PHLPP1: variants seen among roughly 807,000 people sequenced by gnomAD.
PHLPP1 encodes the protein PH domain leucine-rich repeat-containing protein phosphatase 1.
PHLPP1 carries 42 observed loss-of-function variants against 117.2 expected under a neutral mutation model. The ratio of observed to expected loss-of-function variants is 0.36; its 90% confidence interval spans 0.28 to 0.46. PHLPP1 has a LOEUF of 0.46. Ranked by LOEUF, PHLPP1 falls within the 20% of genes least tolerant of loss-of-function variation. The pLI is 1.00. For missense variants in PHLPP1, 2,084 were observed against 2,241.9 expected, an observed-to-expected ratio of 0.93 and a Z score of 1.42; for synonymous variants, 1,042 against 970.7, an observed-to-expected ratio of 1.07 and a Z score of -1.37.
chr18:62,930,658 T>C (rs1909781106), intron 10 of PHLPP1, among the ~76,000 whole-genome samples: 1 of 152,226 alleles, frequency 6.6e-6, no homozygotes, highest in African/African-American at 2.4e-5. Context: ...AGAATACTAA[T>C]TCTGGACTTA....
chr18:62,860,499 A>G lies in PHLPP1; in HGVS notation c.1964A>G (p.Asn655Ser), dbSNP rs569299328. 2.1e-5 allele frequency: 34 copies of G among 1,613,838 alleles called. No individual in the cohort carries two copies. The South Asian group carries it at 2.3e-4, about 11-fold the overall frequency. Reference sequence around the variant, plus strand: ...TGTAGCCTGGAACATCTGCCTGCCAACCTCTTCTACAGCCAAGACCTCACT... The same window carrying G: ...TGTAGCCTGGAACATCTGCCTGCCAGCCTCTTCTACAGCCAAGACCTCACT... ...SCCSLEHLPA[N>S]LFYSQDLTHL... Residue 655 changes from asparagine to serine, a missense_variant, in exon 4 of 17, where the codon AAC (asparagine) becomes AGC (serine). This residue lies in a region of PHLPP1 where 1,365 missense variants were observed against 1,605.9 expected (regional missense o/e 0.85). Transcript: ENST00000262719.
rs1219884181 is a variant in PHLPP1 at position 62,716,795 on chromosome 18, G to C, written c.1112G>C (p.Gly371Ala). 2.6e-6 allele frequency: 4 copies of C among 1,525,972 alleles called. 1 individual carries two copies. The South Asian group carries it at 3.6e-5, about 14-fold the overall frequency. 94.5% of individuals were successfully genotyped at this position (1,525,972 alleles called of 1,614,324 possible). A position where few individuals can be genotyped will look rare whatever the true frequency, so the allele number is the denominator to read the frequency against. ...TTGGACCCCTACAGCAGCGGCGGCGGCTCCTCGTCGTCGTCGGAAGAGCTC... is the reference window on the plus strand; with the variant it reads ...TTGGACCCCTACAGCAGCGGCGGCGCCTCCTCGTCGTCGTCGGAAGAGCTC... The part of the protein sequence containing the change: ...DRLDPYSSGG[G>A]SSSSSEELEA... The change falls in exon 1 of 17, where the codon GGC becomes GCC. Residue 371 changes from glycine (G) to alanine (A), a missense_variant. This residue lies in a region of PHLPP1 where 719 missense variants were observed against 636.0 expected (regional missense o/e 1.13). Transcript: ENST00000262719. This position sits in a 1 kb window ranked among gnomAD's most constrained non-coding sequence, Gnocchi z 5.7.
intron 2 of PHLPP1, among the ~76,000 whole-genome samples, chr18:62,833,612 T>G (rs920046253): frequency 1.3e-5 from 2 of 152,212 alleles, no homozygotes; most frequent in Non-Finnish European, 2.9e-5. Flanking sequence ...ATCTATATTT[T>G]GCTTGTTTTT....
intron 1 of PHLPP1, among the ~76,000 whole-genome samples, chr18:62,817,625 A>G (rs1464306812): frequency 6.6e-6 from 1 of 152,134 alleles, no homozygotes; most frequent in Admixed American, 6.6e-5. Context: ...TTGTAATTGG[A>G]GTCCCTGGAG....
At chr18:62,965,583 C>T (rs1910878790) in intron 14 of PHLPP1, among the ~76,000 whole-genome samples, 1 of 151,300 alleles carries the variant, frequency 6.6e-6, no homozygotes, top group Non-Finnish European at 1.5e-5. Flanking sequence ...CCTCAGCCTC[C>T]CAAGTAGCTG....
At chr18:62,843,193 A>G (rs1915096302) in intron 3 of PHLPP1, 2 of 152,198 alleles carry the variant, frequency 1.3e-5, no homozygotes, top group African/African-American at 2.4e-5. Context: ...TTACATCTTG[A>G]TGTTTAGATA....
At chr18:62,727,359 C>G (rs1420741874) in intron 1 of PHLPP1, among the ~76,000 whole-genome samples, 1 of 151,340 alleles carries the variant, frequency 6.6e-6, no homozygotes, top group African/African-American at 2.4e-5. Context: ...CTGTATTTCC[C>G]ACACTTTGGG....
chr18:62,775,642 C>T (rs965922425), intron 1 of PHLPP1, among the ~76,000 whole-genome samples: 1 of 152,182 alleles, frequency 6.6e-6, no homozygotes, highest in Non-Finnish European at 1.5e-5. Context: ...TATTTTTTAT[C>T]TCGACTAATG....
intron 4 of PHLPP1, among the ~76,000 whole-genome samples, chr18:62,864,001 A>T (rs1410301702): frequency 9.5e-6 from 1 of 104,934 alleles, no homozygotes; most frequent in Non-Finnish European, 2.3e-5. Context: ...ATTTTTAAAA[A>T]TTTATTTGTT....
At chr18:62,926,461 AGAGAC>A (rs1909630360) in intron 10 of PHLPP1, among the ~76,000 whole-genome samples, 1 of 152,178 alleles carries the variant, frequency 6.6e-6, no homozygotes, top group Non-Finnish European at 1.5e-5. Flanking sequence ...CTGTACTCTG[AGAGAC>A]TGCTTTGGTC....
At chr18:62,741,629 C>G (rs1426375380) in intron 1 of PHLPP1, among the ~76,000 whole-genome samples, 1 of 151,826 alleles carries the variant, frequency 6.6e-6, no homozygotes, top group Non-Finnish European at 1.5e-5. Context: ...CTTGTGACTT[C>G]AAAGTAGGGA....
chr18:62,837,255 G>A (rs1242402851), intron 2 of PHLPP1, among the ~76,000 whole-genome samples: 1 of 152,182 alleles, frequency 6.6e-6, no homozygotes, highest in Non-Finnish European at 1.5e-5. Context: ...GTCTCCCGAA[G>A]TGCTGGGATT....
chr18:62,870,957 G>A (rs1449705472), intron 4 of PHLPP1, among the ~76,000 whole-genome samples: 5 of 152,124 alleles, frequency 3.3e-5, no homozygotes, highest in African/African-American at 9.7e-5. Context: ...TTTTGGTGGT[G>A]TTGATGGTTT....
chr18:62,838,591 C>T lies in PHLPP1; in HGVS notation c.1774-193C>T, dbSNP rs116348889. The T allele has an allele frequency of 2.2e-3, 1,099 of 508,138 alleles. 15 individuals carry two copies. Among genetic ancestry groups the T allele is most frequent in the African/African-American group, 0.019 (997 of 52,244 alleles). 31.5% of individuals were successfully genotyped at this position (508,138 alleles called of 1,614,324 possible). ...GTGGGGAAATATAGTAAAGATAAAACTCCCCCTTTTTTGGTTTCTTTGTAA... is the reference window on the plus strand; with the variant it reads ...GTGGGGAAATATAGTAAAGATAAAATTCCCCCTTTTTTGGTTTCTTTGTAA... On this transcript the variant is annotated intron_variant, in intron 2 of 16. Coordinates refer to ENST00000262719, the MANE Select transcript of PHLPP1 (RefSeq NM_194449.4).
At chr18:62,864,406 T>C (rs117367800) in intron 4 of PHLPP1, among the ~76,000 whole-genome samples, 3,577 of 152,146 alleles carry the variant, frequency 0.024, 55 homozygotes, top group Middle Eastern at 0.058. Flanking sequence ...TCAGGCTGAA[T>C]AGGGACAATG....
At chr18:62,780,823 A>G (rs1015539454) in intron 1 of PHLPP1, among the ~76,000 whole-genome samples, 1 of 152,214 alleles carries the variant, frequency 6.6e-6, no homozygotes, top group African/African-American at 2.4e-5. Flanking sequence ...ATACTGATGC[A>G]TCTCAACAAT....
chr18:62,872,144 A>G (rs530902050), intron 4 of PHLPP1, among the ~76,000 whole-genome samples: 1 of 152,246 alleles, frequency 6.6e-6, no homozygotes, highest in Non-Finnish European at 1.5e-5. Context: ...GTGCATAGGA[A>G]CCCCCATGGG....
rs768339210 is a variant in PHLPP1, at chr18:62,905,244, T to C, written c.2668T>C (p.Tyr890His). 1 of 1,552,532 alleles carries C rather than the reference T, an allele frequency of 6.4e-7. No individual in the cohort carries two copies. The highest frequency in any genetic ancestry group is 8.7e-7 in the Non-Finnish European group (1 of 1,150,592). ...CCTAGAACTTGTTCAACTTGATGTT[T>C]ACCCAGTTCCAAATTATCTGTCCTA... Reference protein sequence around the residue: ...SSNELVQLDVYPVPNYLSYMD... With the variant: ...SSNELVQLDVHPVPNYLSYMD... The change falls in exon 8 of 17, where the codon TAC becomes CAC. Residue 890 changes from tyrosine (Y) to histidine (H), a missense_variant. By Grantham distance (83) the Tyr-to-His change is moderately conservative. Transcript: ENST00000262719.
chr18:62,803,542 A>G (rs1173018840), intron 1 of PHLPP1, among the ~76,000 whole-genome samples: 1 of 152,204 alleles, frequency 6.6e-6, no homozygotes. Flanking sequence ...GGTCATTGCT[A>G]TGTAGTTTTA....
Sources: gnomAD v4.1 joint callset for allele counts (sites outside exome capture counted in the v4.1 genomes callset) on GRCh38, gnomAD v4.1.1 for gene constraint, gnomAD v4.1.1 regional missense constraint, Gnocchi (gnomAD v3.1) non-coding constraint, MANE v1.5 for transcripts, NCBI Gene and HGNC (gene_info 2026-07-23, HGNC 2026-07-21) for gene names.